B4GALNT3: variants seen among roughly 807,000 people sequenced by gnomAD.
The protein encoded by B4GALNT3 is beta-1,4-N-acetyl-galactosaminyltransferase 3.
Under a neutral mutation model 120.2 loss-of-function variants are expected in B4GALNT3, and 86 were observed. The ratio of observed to expected loss-of-function variants is 0.72; its 90% CI spans 0.60 to 0.86. B4GALNT3 has a LOEUF of 0.86. Ranked by LOEUF, B4GALNT3 falls within the 40% of genes least tolerant of loss-of-function variation. The pLI, the probability that B4GALNT3 is intolerant of heterozygous loss-of-function variation, is 0.00. For synonymous variants in B4GALNT3, 518 were observed against 510.4 expected (o/e 1.01, Z -0.20); for missense variants, 1,167 against 1,298.9 (o/e 0.90, Z 1.56).
intron 1 of B4GALNT3, among the ~76,000 whole-genome samples, chr12:534,384 G>A (rs1466852004): frequency 3.3e-5 from 5 of 152,260 alleles, no homozygotes; most frequent in African/African-American, 4.8e-5. Flanking sequence ...AGCAGTGGCC[G>A]GCCGCCGGAC....
chr12:537,950 C>T (rs532264269), intron 3 of B4GALNT3, among the ~76,000 whole-genome samples: 30 of 152,206 alleles, frequency 2.0e-4, no homozygotes, highest in African/African-American at 7.0e-4. Context: ...CCTTTTAAAG[C>T]CCTGGGAGAG....
rs1328544429 is a variant in B4GALNT3, at chr12:553,636, G to C, written c.1713G>C (p.Glu571Asp). 2 of 1,614,026 alleles carry C rather than the reference G, an allele frequency of 1.2e-6. No individual in the cohort carries two copies. Among genetic ancestry groups the C allele is most frequent in the African/African-American group, 1.3e-5 (1 of 75,078 alleles). ...ACCAGGTGGAGTCGTACATCGCAGA[G>C]CAGAGACGGGGTGACAGGATGCGGC... is the stretch of plus-strand genomic sequence containing the variant. Reference protein sequence around the residue: ...WLNQVESYIAEQRRGDRMRPQ... With the variant: ...WLNQVESYIADQRRGDRMRPQ... The change falls in exon 14 of 20, where the codon GAG becomes GAC. Residue 571 changes from glutamate to aspartate, a missense_variant. Physicochemically the swap from Glu to Asp is conservative, Grantham distance 45. Coordinates refer to ENST00000266383, the MANE Select transcript of B4GALNT3 (RefSeq NM_173593.4).
intron 1 of B4GALNT3, among the ~76,000 whole-genome samples, chr12:492,948 C>T (rs907837273): frequency 2.0e-5 from 3 of 149,682 alleles, no homozygotes; most frequent in African/African-American, 7.3e-5. Flanking sequence ...CAAAAATCAA[C>T]TCAAAGACCT....
chr12:490,506 G>A (rs73590368), intron 1 of B4GALNT3, among the ~76,000 whole-genome samples: 3,728 of 152,270 alleles, frequency 0.024, 170 homozygotes, highest in African/African-American at 0.086. Context: ...GGAGGCAGAA[G>A]TGGGCAGATC....
chr12:486,051 G>T (rs192537493), intron 1 of B4GALNT3, among the ~76,000 whole-genome samples: 7 of 152,226 alleles, frequency 4.6e-5, no homozygotes, highest in Admixed American at 4.6e-4. Context: ...ACAAGTCTGA[G>T]AATTAAAAAT....
chr12:561,501 GCTCCCCAGGGCCCTGCTA>G lies in B4GALNT3; in HGVS notation c.*53_*70del. 7.1e-7 allele frequency: 1 copy of G among 1,399,178 alleles called. No individual in the cohort carries two copies. Among genetic ancestry groups the G allele is most frequent in the Non-Finnish European group, 1.0e-6 (1 of 1,004,548 alleles). 86.7% of individuals were successfully genotyped at this position (1,399,178 alleles called of 1,614,324 possible). A position where few individuals can be genotyped will look rare whatever the true frequency, so the allele number is the denominator to read the frequency against. ...CACTCCCCGCTCTGGACTAGCAGTG[GCTCCCCAGGGCCCTGCTA>G]CTGTTCAGGGATGGGGAGTGGGGTG... On this transcript the variant is annotated 3_prime_UTR_variant, in exon 20 of 20. Transcript: ENST00000266383.
chr12:510,992 G>A (rs1450990231), intron 1 of B4GALNT3, among the ~76,000 whole-genome samples: 1 of 121,130 alleles, frequency 8.3e-6, no homozygotes, highest in Non-Finnish European at 1.7e-5. Context: ...TCTCCTTTTG[G>A]TCTCTATGGA....
chr12:500,604 T>C (rs935770124), intron 1 of B4GALNT3, among the ~76,000 whole-genome samples: 2 of 152,122 alleles, frequency 1.3e-5, no homozygotes, highest in Non-Finnish European at 1.5e-5. Flanking sequence ...ATTCCACTTA[T>C]GCTGAAATAC....
chr12:498,104 G>A (rs905766210), intron 1 of B4GALNT3, among the ~76,000 whole-genome samples: 1 of 152,088 alleles, frequency 6.6e-6, no homozygotes, highest in Non-Finnish European at 1.5e-5. Flanking sequence ...CCTGTCGGTT[G>A]CGAAGTTCTT....
At chr12:556,096 T>C (rs1947153752) in intron 14 of B4GALNT3, among the ~76,000 whole-genome samples, 1 of 152,234 alleles carries the variant, frequency 6.6e-6, no homozygotes, top group Admixed American at 6.5e-5. Flanking sequence ...TGTTTTGTTT[T>C]AAATAGCCAT....
At chr12:493,533 TCTTA>T (rs1461704978) in intron 1 of B4GALNT3, among the ~76,000 whole-genome samples, 1 of 152,104 alleles carries the variant, frequency 6.6e-6, no homozygotes, top group Non-Finnish European at 1.5e-5. Flanking sequence ...CTCAACATAC[TCTTA>T]CTTATTCCTT....
intron 1 of B4GALNT3, among the ~76,000 whole-genome samples, chr12:512,900 GCCTTCCGCTTTCC>G (rs1946607593): frequency 1.5e-5 from 1 of 65,822 alleles, no homozygotes; most frequent in Non-Finnish European, 2.9e-5. Context: ...TCTACCTTCC[GCCTTCCGCTTTCC>G]ACCTTCTGCC....
chr12:552,456 T>C lies in B4GALNT3; in HGVS notation c.1209-11T>C, dbSNP rs753826362. On this transcript the variant is annotated splice_polypyrimidine_tract_variant and intron_variant, in intron 12 of 19. Transcript: ENST00000266383. ...ACCGGGTGCCAATGCACACCTCCCT[T>C]CCTCCTGCAGGTTCAGCTTTCAGGA... 5.6e-6 allele frequency: 9 copies of C among 1,613,422 alleles called. No homozygotes were observed. The South Asian group carries it at 7.7e-5, about 14-fold the overall frequency.
At chr12:476,591 AC>A (rs1290749118) in intron 1 of B4GALNT3, among the ~76,000 whole-genome samples, 5 of 152,192 alleles carry the variant, frequency 3.3e-5, no homozygotes, top group Non-Finnish European at 7.3e-5. Context: ...AGCCTGGGTG[AC>A]AGAGCAAGGC....
intron 1 of B4GALNT3, among the ~76,000 whole-genome samples, chr12:481,244 G>A (rs1946239315): frequency 6.6e-6 from 1 of 152,212 alleles, no homozygotes; most frequent in African/African-American, 2.4e-5. Context: ...TCAACTAAGG[G>A]GATGAGCATC....
At chr12:555,503 T>G in intron 14 of B4GALNT3, 4 of 384,882 alleles carry the variant, frequency 1.0e-5, no homozygotes, top group Non-Finnish European at 2.1e-5. Context: ...ACATGTGGGT[T>G]GTTTCTACTT....
At position 553,861 on chromosome 12, in the gene B4GALNT3, A is replaced by G; in HGVS notation, c.1938A>G (p.Gln646=). The G allele has an allele frequency of 6.2e-7, 1 of 1,614,220 alleles. No individual in the cohort carries two copies. The highest frequency in any genetic ancestry group is 8.5e-7 in the Non-Finnish European group (1 of 1,180,028). ...TCAGTGCCCGGAATCTCGACTTCCA[A>G]GCCCTGAGGACTGACTGGATCGATC... is the stretch of plus-strand genomic sequence containing the variant. ...QTFSARNLDF[Q]ALRTDWIDLS... The change falls in exon 14 of 20, where the codon CAA becomes CAG. Residue 646 remains glutamine (Q), a synonymous_variant. Transcript: ENST00000266383.
chr12:512,579 T>TCCAC (rs1248118525), intron 1 of B4GALNT3, among the ~76,000 whole-genome samples: 6 of 106,496 alleles, frequency 5.6e-5, no homozygotes, highest in Admixed American at 9.3e-5. Context: ...CCTTCCACCT[T>TCCAC]CTTCCACCTT....
chr12:550,153 C>T lies in B4GALNT3; in HGVS notation c.997+241C>T, dbSNP rs1319936828. On this transcript the variant is annotated intron_variant, in intron 10 of 19. Transcript: ENST00000266383. This position sits in a 1 kb window ranked among gnomAD's most constrained non-coding sequence, Gnocchi z 4.1. The stretch of plus-strand genomic sequence containing the variant: ...AGAGTGAACGTTTGTGGAACCACCA[C>T]CCACAACAAGAAATAGAGTTAGAAC... Among the ~76,000 whole-genome samples, 1 of 152,194 alleles carries T rather than the reference C, an allele frequency of 6.6e-6. No individual in the cohort carries two copies. Among genetic ancestry groups the T allele is most frequent in the African/African-American group, 2.4e-5 (1 of 41,438 alleles).
Sources: allele counts gnomAD v4.1 joint callset (sites outside exome capture counted in the v4.1 genomes callset), GRCh38; gene constraint gnomAD v4.1.1; non-coding constraint Gnocchi (gnomAD v3.1); transcripts MANE v1.5; gene names NCBI Gene and HGNC (gene_info 2026-07-23, HGNC 2026-07-21).